Variants in ENTHD1 observed in about 807,000 individuals in gnomAD.
ENTHD1 encodes the protein ENTH domain containing 1.
ENTHD1 carries 23 observed loss-of-function variants against 39.1 expected under a neutral mutation model. That is an observed-to-expected ratio of 0.59 (90% CI 0.42 to 0.83). The LOEUF (loss-of-function observed/expected upper bound fraction) is 0.83, where lower values mean the gene tolerates loss of function less well. Ranked by LOEUF, ENTHD1 falls within the 40% of genes least tolerant of loss-of-function variation. The pLI, the probability that ENTHD1 is intolerant of heterozygous loss-of-function variation, is 0.00. For synonymous variants in ENTHD1, 230 were observed against 258.2 expected, an observed-to-expected ratio of 0.89 and a Z score of 1.05; for missense variants, 624 against 705.4, an observed-to-expected ratio of 0.88 and a Z score of 1.31.
intron 2 of ENTHD1, among the ~76,000 whole-genome samples, chr22:39,886,770 C>G (rs1415350103): frequency 6.6e-6 from 1 of 152,168 alleles, no homozygotes. Context: ...TGCACCTCCT[C>G]TTCCGCCCCC....
chr22:39,765,739 C>T lies in ENTHD1; in HGVS notation c.833-130G>A, dbSNP rs560942809. On this transcript the variant is annotated intron_variant, in intron 5 of 6. Transcript: ENST00000325157. Reference sequence around the variant, plus strand: ...GAATTCTTTCCTATTTAGCCCTCTGCTTTCTTACTATGCTTCTATATTCTG... The same window carrying T: ...GAATTCTTTCCTATTTAGCCCTCTGTTTTCTTACTATGCTTCTATATTCTG... 19 of 929,022 alleles carry T rather than the reference C, an allele frequency of 2.0e-5. 1 individual carries two copies. The East Asian group carries it at 5.1e-4, about 25-fold the overall frequency. The allele number at this position is 929,022 out of a possible 1,614,324, so 57.5% of individuals were successfully genotyped here.
chr22:39,859,071 G>A (rs1358485930), intron 3 of ENTHD1, among the ~76,000 whole-genome samples: 1 of 152,270 alleles, frequency 6.6e-6, no homozygotes, highest in East Asian at 1.9e-4. Flanking sequence ...CTTTGTACTT[G>A]TGTGTTATGG....
rs1191392745 is a variant in ENTHD1 at position 39,873,829 on chromosome 22, CAT to C, written c.350-11824_350-11823del. On this transcript the variant is annotated intron_variant, in intron 2 of 6. Transcript: ENST00000325157. ...AAAACTATAAATATCTGGAAGAAAA[CAT>C]AGAACATATTCCTTGGGATAGGCAA... is the stretch of plus-strand genomic sequence containing the variant. Among the ~76,000 whole-genome samples the C allele has an allele frequency of 2.6e-5, 4 of 152,158 alleles. No homozygotes were observed. In the East Asian group the frequency reaches 7.7e-4, roughly 29 times the overall value.
At chr22:39,818,953 C>T (rs868040319) in intron 5 of ENTHD1, among the ~76,000 whole-genome samples, 11 of 152,232 alleles carry the variant, frequency 7.2e-5, no homozygotes, top group African/African-American at 2.4e-4. Context: ...ACTGCCAAAA[C>T]TGCAACCAAG....
rs1287306705 is a variant in ENTHD1, at chr22:39,835,969, T to C, written c.593-11A>G. On this transcript the variant is annotated splice_polypyrimidine_tract_variant and intron_variant, in intron 3 of 6. Coordinates refer to ENST00000325157, the MANE Select transcript of ENTHD1 (RefSeq NM_152512.4). ...CCTTGCACACATTTCCTGTCAACAATATAAAGCTTAAGATTTTACTTTGGC... is the reference window on the plus strand; with the variant it reads ...CCTTGCACACATTTCCTGTCAACAACATAAAGCTTAAGATTTTACTTTGGC... 3.8e-6 allele frequency: 6 copies of C among 1,582,190 alleles called. No homozygotes were observed. The highest frequency in any genetic ancestry group is 2.3e-5 in the East Asian group (1 of 44,080).
At chr22:39,756,179 T>A (rs1401081867) in intron 6 of ENTHD1, among the ~76,000 whole-genome samples, 1 of 152,152 alleles carries the variant, frequency 6.6e-6, no homozygotes, top group Admixed American at 6.5e-5. Context: ...AGCCAAGCCA[T>A]GCTCTGACCA....
intron 3 of ENTHD1, among the ~76,000 whole-genome samples, chr22:39,855,745 C>T (rs2066079817): frequency 6.6e-6 from 1 of 152,260 alleles, no homozygotes; most frequent in Non-Finnish European, 1.5e-5. Flanking sequence ...AACTTAAACG[C>T]TGAGTTTGGT....
intron 5 of ENTHD1, among the ~76,000 whole-genome samples, chr22:39,782,614 T>C (rs9623071): frequency 0.028 from 4,251 of 152,210 alleles, 192 homozygotes; most frequent in African/African-American, 0.097. Flanking sequence ...TCATTCACCA[T>C]GATAAGTGAG....
rs775824919 is a variant in ENTHD1 at position 39,765,385 on chromosome 22, C to T, written c.1057G>A (p.Asp353Asn). 1.9e-6 allele frequency: 3 copies of T among 1,614,030 alleles called. No homozygotes were observed. The highest frequency in any genetic ancestry group is 4.5e-5 in the East Asian group (2 of 44,874). ...GAGGCCTGGTTATGGAAAGTAGAAT[C>T]TGACTTTGATACCCTTAAGTCGGGG... is the stretch of plus-strand genomic sequence containing the variant. The part of the protein sequence containing the change: ...ISPDLRVSKS[D>N]STFHNQASVE... The change falls in exon 6 of 7, where the codon GAT becomes AAT. Residue 353 changes from aspartate to asparagine, a missense_variant. Coordinates refer to ENST00000325157, the MANE Select transcript of ENTHD1 (RefSeq NM_152512.4).
At chr22:39,774,679 A>C (rs2065353540) in intron 5 of ENTHD1, among the ~76,000 whole-genome samples, 1 of 152,290 alleles carries the variant, frequency 6.6e-6, no homozygotes, top group South Asian at 2.1e-4. Flanking sequence ...CATGGTTTAC[A>C]AGGCTCTGCA....
At chr22:39,799,723 T>C (rs2065583227) in intron 5 of ENTHD1, among the ~76,000 whole-genome samples, 1 of 152,190 alleles carries the variant, frequency 6.6e-6, no homozygotes, top group Non-Finnish European at 1.5e-5. Flanking sequence ...TTACTGCGCA[T>C]GTGTTAAGAG....
chr22:39,815,442 T>TC (rs2065725975), intron 5 of ENTHD1, among the ~76,000 whole-genome samples: 1 of 144,798 alleles, frequency 6.9e-6, no homozygotes, highest in Admixed American at 6.9e-5. Flanking sequence ...AAACTCCGTC[T>TC]CAAAAAAAAA....
At chr22:39,748,104 T>C (rs1296324924) in intron 6 of ENTHD1, among the ~76,000 whole-genome samples, 1 of 151,808 alleles carries the variant, frequency 6.6e-6, no homozygotes, top group Non-Finnish European at 1.5e-5. Context: ...CAAAAATTAG[T>C]TGGGCATGGT....
chr22:39,771,990 G>A (rs2065329764), intron 5 of ENTHD1, among the ~76,000 whole-genome samples: 2 of 151,650 alleles, frequency 1.3e-5, no homozygotes, highest in African/African-American at 4.8e-5. Flanking sequence ...ATATGTAACT[G>A]TTTAGAAAAT....
chr22:39,854,205 A>C (rs899544391), intron 3 of ENTHD1, among the ~76,000 whole-genome samples: 3 of 152,212 alleles, frequency 2.0e-5, no homozygotes, highest in African/African-American at 7.2e-5. Context: ...AACTCCACAC[A>C]GACAGGGACC....
chr22:39,795,049 T>C (rs1355551485), intron 5 of ENTHD1, among the ~76,000 whole-genome samples: 1 of 152,214 alleles, frequency 6.6e-6, no homozygotes, highest in Non-Finnish European at 1.5e-5. Context: ...TTCATTCCAC[T>C]GATGTGGTAT....
At chr22:39,875,164 C>T (rs2066277402) in intron 2 of ENTHD1, 1 of 513,278 alleles carries the variant, frequency 1.9e-6, no homozygotes, top group Non-Finnish European at 2.9e-6. Flanking sequence ...TTCTGATATA[C>T]ATAACAATAT....
At chr22:39,857,443 CAA>C (rs71197196) in intron 3 of ENTHD1, among the ~76,000 whole-genome samples, 1,487 of 24,460 alleles carry the variant, frequency 0.061, 37 homozygotes, top group East Asian at 0.22. Flanking sequence ...AACTCCGTCT[CAA>C]AAAAAAAAAA....
At chr22:39,817,519 G>A (rs529291828) in intron 5 of ENTHD1, among the ~76,000 whole-genome samples, 65 of 152,202 alleles carry the variant, frequency 4.3e-4, no homozygotes, top group African/African-American at 1.3e-3. Flanking sequence ...ATTTCTAAAG[G>A]TACACGTATG....
Sources: allele counts gnomAD v4.1 joint callset (sites outside exome capture counted in the v4.1 genomes callset), GRCh38; gene constraint gnomAD v4.1.1; transcripts MANE v1.5; gene names NCBI Gene and HGNC (gene_info 2026-07-23, HGNC 2026-07-21).